Variants in RBFOX1 observed in about 807,000 individuals in gnomAD.
RBFOX1 encodes the protein RNA binding fox-1 homolog 1.
A neutral mutation model predicts 57.7 loss-of-function variants in RBFOX1; 8 were observed. The observed-to-expected ratio is 0.14, with a 90% confidence interval of 0.08 to 0.25. The LOEUF is 0.25. Ranked by LOEUF, RBFOX1 falls within the 10% of genes least tolerant of loss-of-function variation. RBFOX1 has a pLI of 1.00. For missense variants in RBFOX1, 611 were observed against 548.5 expected (o/e 1.11, Z -1.14); for synonymous variants, 326 against 222.4 (o/e 1.47, Z -4.15).
chr16:6,227,124 A>C (rs1329573997), intron 1 of RBFOX1, among the ~76,000 whole-genome samples: 1 of 151,820 alleles, frequency 6.6e-6, no homozygotes, highest in Non-Finnish European at 1.5e-5. Context: ...ACTCTGTCTC[A>C]AGAAAAAAAA....
intron 3 of RBFOX1, among the ~76,000 whole-genome samples, chr16:6,988,618 G>C (rs1046806873): frequency 6.6e-6 from 1 of 151,104 alleles, no homozygotes; most frequent in African/African-American, 2.4e-5. Context: ...TGTCCCCTAG[G>C]CTGGAGTGCA....
At chr16:7,339,163 C>T (rs1487247197) in intron 4 of RBFOX1, among the ~76,000 whole-genome samples, 1 of 152,144 alleles carries the variant, frequency 6.6e-6, no homozygotes, top group Admixed American at 6.5e-5. Context: ...CTCACCAAGC[C>T]TCAGTTTTCT....
Position 5,515,939 on chromosome 16 carries a change from A to G in RBFOX1, c.258+48685A>G, listed in dbSNP as rs573777265. Among the ~76,000 whole-genome samples, 7 of 152,318 alleles carry G rather than the reference A, an allele frequency of 4.6e-5. No individual in the cohort carries two copies. The South Asian group carries it at 1.5e-3, about 32-fold the overall frequency. On this transcript the variant is annotated intron_variant, in intron 2 of 2. Transcript: ENST00000585867. ...ATTCATATTTTCATTTTGTAAATGAAGAAACGGAGGCCCAGAATAGTGCCA... is the reference window on the plus strand; with the variant it reads ...ATTCATATTTTCATTTTGTAAATGAGGAAACGGAGGCCCAGAATAGTGCCA...
chr16:7,506,071 G>A (rs913801660), intron 4 of RBFOX1, among the ~76,000 whole-genome samples: 3 of 151,164 alleles, frequency 2.0e-5, no homozygotes, highest in Non-Finnish European at 4.4e-5. Flanking sequence ...TGTAGTCCCA[G>A]CTACTTGGGA....
At chr16:5,858,579 A>G (rs1316915223) in intron 3 of RBFOX1, among the ~76,000 whole-genome samples, 1 of 152,246 alleles carries the variant, frequency 6.6e-6, no homozygotes, top group Non-Finnish European at 1.5e-5. Flanking sequence ...GCCGAGCACC[A>G]TAAGTAAAAC....
intron 10 of RBFOX1, among the ~76,000 whole-genome samples, chr16:7,610,180 C>T (rs1453194853): frequency 1.6e-5 from 2 of 125,494 alleles, no homozygotes; most frequent in Admixed American, 9.9e-5. Flanking sequence ...AGTGCAGTGG[C>T]ATGATCTCGA....
chr16:7,280,424 C>T (rs1489313977), intron 4 of RBFOX1, among the ~76,000 whole-genome samples: 2 of 152,178 alleles, frequency 1.3e-5, no homozygotes, highest in Non-Finnish European at 2.9e-5. Context: ...AAGGGATCCC[C>T]AGGATCACCT....
At chr16:5,662,215 C>T (rs1304825768) in intron 3 of RBFOX1, among the ~76,000 whole-genome samples, 1 of 152,026 alleles carries the variant, frequency 6.6e-6, no homozygotes, top group African/African-American at 2.4e-5. Context: ...ACTATTTATA[C>T]CTTTGAGTGT....
chr16:7,214,398 C>G (rs2091679535), intron 4 of RBFOX1, among the ~76,000 whole-genome samples: 1 of 152,066 alleles, frequency 6.6e-6, no homozygotes, highest in African/African-American at 2.4e-5. Flanking sequence ...TCTTTGTCCT[C>G]CTTAATTCCT....
intron 4 of RBFOX1, among the ~76,000 whole-genome samples, chr16:5,982,314 C>A (rs2060190395): frequency 6.6e-6 from 1 of 151,902 alleles, no homozygotes; most frequent in Non-Finnish European, 1.5e-5. Context: ...CGCTCTGTTG[C>A]ACAGGCTGGA....
intron 1 of RBFOX1, chr16:5,289,421 G>A (rs766772658): frequency 3.5e-4 from 105 of 299,264 alleles, no homozygotes; most frequent in Non-Finnish European, 5.4e-4. Context: ...CGAGATGTGC[G>A]AGAAGTATCA....
At chr16:6,112,454 G>A (rs2096456764) in intron 1 of RBFOX1, among the ~76,000 whole-genome samples, 1 of 152,192 alleles carries the variant, frequency 6.6e-6, no homozygotes, top group South Asian at 2.1e-4. Context: ...ACTTTGGGAG[G>A]CCAAGATGGG....
At chr16:6,999,228 T>A (rs1359773845) in intron 3 of RBFOX1, among the ~76,000 whole-genome samples, 9 of 134,626 alleles carry the variant, frequency 6.7e-5, no homozygotes, top group Admixed American at 5.3e-4. Context: ...TTTTTTTATT[T>A]ATTTTTTTTT....
intron 3 of RBFOX1, among the ~76,000 whole-genome samples, chr16:6,798,722 C>G (rs1019776007): frequency 2.0e-5 from 3 of 151,852 alleles, no homozygotes; most frequent in Admixed American, 6.6e-5. Context: ...ATTTATACAC[C>G]CAAGATAATG....
intron 2 of RBFOX1, among the ~76,000 whole-genome samples, chr16:6,580,358 C>T (rs752545958): frequency 1.3e-5 from 2 of 152,164 alleles, no homozygotes; most frequent in East Asian, 1.9e-4. Flanking sequence ...AAGCTGGAGT[C>T]ATAACACACA....
chr16:6,882,124 A>G (rs2063066649), intron 3 of RBFOX1, among the ~76,000 whole-genome samples: 1 of 152,154 alleles, frequency 6.6e-6, no homozygotes, highest in Admixed American at 6.5e-5. Flanking sequence ...TTTAGCAGGA[A>G]AGTCAAGGCT....
At chr16:6,055,590 C>CAAAAAAA (rs35872547) in intron 1 of RBFOX1, among the ~76,000 whole-genome samples, 3 of 65,574 alleles carry the variant, frequency 4.6e-5, no homozygotes, top group African/African-American at 6.6e-5. Flanking sequence ...GAGACTCCGT[C>CAAAAAAA]AAAAAAAAAA....
At chr16:5,841,797 G>T (rs143938168) in intron 3 of RBFOX1, among the ~76,000 whole-genome samples, 1 of 152,150 alleles carries the variant, frequency 6.6e-6, no homozygotes, top group South Asian at 2.1e-4. Context: ...TTTCAGCATC[G>T]AGGACTTCCT....
intron 3 of RBFOX1, among the ~76,000 whole-genome samples, chr16:5,738,046 C>T (rs1165729278): frequency 7.9e-5 from 12 of 151,496 alleles, no homozygotes; most frequent in Admixed American, 7.9e-4. Context: ...TGATGTTCCC[C>T]TTCCCTGTGT....
Sources: gnomAD v4.1 joint callset for allele counts (sites outside exome capture counted in the v4.1 genomes callset) on GRCh38, gnomAD v4.1.1 for gene constraint, MANE v1.5 for transcripts, NCBI Gene and HGNC (gene_info 2026-07-23, HGNC 2026-07-21) for gene names.